USP47: variants seen among roughly 807,000 people sequenced by gnomAD.
USP47 encodes the protein ubiquitin specific peptidase 47.
A neutral mutation model predicts 165.1 loss-of-function variants in USP47; 35 were observed. The observed-to-expected ratio is 0.21, with a 90% CI of 0.16 to 0.28. The LOEUF (loss-of-function observed/expected upper bound fraction) is 0.28. Ranked by LOEUF, USP47 falls within the 10% of genes least tolerant of loss-of-function variation. The pLI is 1.00. For missense variants in USP47, 1,277 were observed against 1,607.4 expected, an observed-to-expected ratio of 0.79 and a Z score of 3.52; for synonymous variants, 531 against 544.5, an observed-to-expected ratio of 0.98 and a Z score of 0.35.
chr11:11,854,052 G>C (rs560448246), intron 1 of USP47, among the ~76,000 whole-genome samples: 11 of 148,196 alleles, frequency 7.4e-5, no homozygotes, highest in African/African-American at 2.7e-4. Context: ...GGAGAATGGC[G>C]TGAACCCAGA....
intron 1 of USP47, among the ~76,000 whole-genome samples, chr11:11,857,934 C>T (rs532517327): frequency 4.8e-4 from 72 of 149,192 alleles, no homozygotes; most frequent in African/African-American, 1.5e-3. Flanking sequence ...GGTTGCTTTC[C>T]ACAACCAATC....
rs746771715 is a variant in USP47 at position 11,905,494 on chromosome 11, T to A, written c.915T>A (p.Leu305=). 6.8e-6 allele frequency: 11 copies of A among 1,609,850 alleles called. 1 individual carries two copies. The highest frequency in any genetic ancestry group is 2.7e-5 in the African/African-American group (2 of 74,834). The part of the protein sequence containing the change: ...GYEGWRIDTY[L]DIPLVIRPYG... ...AGGGCTGGCGAATCGACACATATCT[T>A]GATATTCCATTGGTCATCCGACCTT... Residue 305 remains leucine (L), a synonymous_variant, in exon 8 of 28, where the codon CTT becomes CTA. Transcript: ENST00000527733.
At chr11:11,867,958 G>A (rs141422642) in intron 1 of USP47, among the ~76,000 whole-genome samples, 4 of 152,150 alleles carry the variant, frequency 2.6e-5, no homozygotes, top group East Asian at 1.9e-4. Flanking sequence ...GTGGTTGCAC[G>A]TTCTTAGGAG....
At chr11:11,869,369 G>T (rs1381702772) in intron 1 of USP47, among the ~76,000 whole-genome samples, 1 of 151,744 alleles carries the variant, frequency 6.6e-6, no homozygotes, top group African/African-American at 2.4e-5. Flanking sequence ...ATCATTTTTG[G>T]AAAGACTATT....
chr11:11,898,155 C>T (rs1023540259), intron 5 of USP47, among the ~76,000 whole-genome samples: 1 of 146,844 alleles, frequency 6.8e-6, no homozygotes, highest in African/African-American at 2.5e-5. Context: ...GTGTGTGTTT[C>T]CTTCTAAAAG....
chr11:11,868,307 C>A (rs1017927376), intron 1 of USP47, among the ~76,000 whole-genome samples: 1 of 152,192 alleles, frequency 6.6e-6, no homozygotes, highest in African/African-American at 2.4e-5. Flanking sequence ...CCTATTCCCT[C>A]TTTAATCCCT....
intron 1 of USP47, among the ~76,000 whole-genome samples, chr11:11,844,811 G>A (rs139416494): frequency 6.6e-6 from 1 of 151,850 alleles, no homozygotes; most frequent in Non-Finnish European, 1.5e-5. Flanking sequence ...GTGTGCGTGC[G>A]TGTGTTGGAG....
At chr11:11,940,378 A>G (rs1035818624) in intron 18 of USP47, 51 bp from the exon 19 acceptor site, 74 of 1,539,570 alleles carry the variant, frequency 4.8e-5, no homozygotes, top group Middle Eastern at 1.7e-4. Context: ...TTTTAAGTCA[A>G]GCAGAATTAT....
chr11:11,912,275 CAA>C (rs1156613964), intron 8 of USP47, among the ~76,000 whole-genome samples: 1 of 151,858 alleles, frequency 6.6e-6, no homozygotes, highest in African/African-American at 2.4e-5. Flanking sequence ...GTCAACAAAA[CAA>C]AGGGCTGGCT....
At chr11:11,920,970 C>T (rs1056880620) in intron 10 of USP47, among the ~76,000 whole-genome samples, 12 of 151,672 alleles carry the variant, frequency 7.9e-5, no homozygotes, top group African/African-American at 2.9e-4. Flanking sequence ...GTCTGTTTTC[C>T]TTTTTTAGTT....
At chr11:11,942,295 C>G (rs776273805) in intron 19 of USP47, 40 bp from the exon 20 acceptor site, 2 of 1,522,162 alleles carry the variant, frequency 1.3e-6, no homozygotes, top group East Asian at 2.3e-5. Flanking sequence ...GAGCATGTCA[C>G]TAAAATTAAT....
intron 8 of USP47, among the ~76,000 whole-genome samples, chr11:11,910,109 T>G (rs1224167448): frequency 6.6e-6 from 1 of 152,206 alleles, no homozygotes; most frequent in Non-Finnish European, 1.5e-5. Flanking sequence ...TGGGGACTTC[T>G]GCTTTCAGGA....
chr11:11,892,932 T>C (rs964481420), intron 4 of USP47, among the ~76,000 whole-genome samples: 3 of 152,244 alleles, frequency 2.0e-5, no homozygotes, highest in Admixed American at 2.0e-4. Flanking sequence ...AAGGAAAGTC[T>C]GTGTTGTCTA....
rs1019226762 is a variant in USP47, at chr11:11,853,991, C to T, written c.39+11767C>T. 2.1e-4 allele frequency among the ~76,000 whole-genome samples: 32 copies of T among 151,628 alleles called. No homozygotes were observed. In the East Asian group the frequency reaches 3.7e-3, roughly 18 times the overall value. ...ATAAAATAAAATAAAAAAAATTAGC[C>T]GGGTGTGGTGGTGGGCGCCTGTAGT... On this transcript the variant is annotated intron_variant, in intron 1 of 27. Coordinates refer to ENST00000527733, the MANE Select transcript of USP47 (RefSeq NM_001282659.2).
intron 7 of USP47, among the ~76,000 whole-genome samples, chr11:11,905,056 G>A (rs1852465322): frequency 6.6e-6 from 1 of 151,916 alleles, no homozygotes; most frequent in East Asian, 1.9e-4. Context: ...AAGATAATTT[G>A]AGGCTTAATT....
chr11:11,900,374 A>C lies in USP47; in HGVS notation c.594-2341A>C, dbSNP rs1220865805. Among the ~76,000 whole-genome samples the C allele has an allele frequency of 2.0e-5, 3 of 151,802 alleles. 1 individual carries two copies. Among genetic ancestry groups the C allele is most frequent in the Middle Eastern group, 6.8e-3 (2 of 294 alleles). On this transcript the variant is annotated intron_variant, in intron 5 of 27. Coordinates refer to ENST00000527733, the MANE Select transcript of USP47 (RefSeq NM_001282659.2). ...ATGGGGTTTCACCGTGTTAGCCAGGATGGTCTCGATCTCCTGACCTCGTGA... is the reference window on the plus strand; with the variant it reads ...ATGGGGTTTCACCGTGTTAGCCAGGCTGGTCTCGATCTCCTGACCTCGTGA...
rs1847421234 is a variant in USP47 at position 11,960,848 on chromosome 11, T to C, written c.*4673T>C. 6.6e-6 allele frequency among the ~76,000 whole-genome samples: 1 copy of C among 152,182 alleles called. No individual in the cohort carries two copies. Among genetic ancestry groups the C allele is most frequent in the Non-Finnish European group, 1.5e-5 (1 of 68,036 alleles). Reference sequence around the variant, plus strand: ...GGAGAGGATGTGCAGACCACAGGAATACCTAATGCCTTTTTTCTCTTCCTG... The same window carrying C: ...GGAGAGGATGTGCAGACCACAGGAACACCTAATGCCTTTTTTCTCTTCCTG... On this transcript the variant is annotated 3_prime_UTR_variant, in exon 28 of 28. Transcript: ENST00000527733.
chr11:11,950,325 C>A, intron 23 of USP47, 39 bp from the exon 24 acceptor site: 1 of 1,389,574 alleles, frequency 7.2e-7, no homozygotes, highest in South Asian at 1.4e-5. Flanking sequence ...TTGAGAGTTT[C>A]AAATTATAGT....
chr11:11,922,246 A>C (rs774176438), intron 10 of USP47, among the ~76,000 whole-genome samples: 1 of 151,976 alleles, frequency 6.6e-6, no homozygotes, highest in Non-Finnish European at 1.5e-5. Context: ...CAAGTTCTTA[A>C]GGATGAATAC....
Sources: allele counts gnomAD v4.1 joint callset (sites outside exome capture counted in the v4.1 genomes callset), GRCh38; gene constraint gnomAD v4.1.1; transcripts MANE v1.5; gene names NCBI Gene and HGNC (gene_info 2026-07-23, HGNC 2026-07-21).